MID1: variants seen among roughly 807,000 people sequenced by gnomAD.
MID1 encodes the protein E3 ubiquitin-protein ligase Midline-1.
MID1 carries 7 observed loss-of-function variants against 40.4 expected under a neutral mutation model. The observed-to-expected ratio is 0.17, with a 90% CI of 0.10 to 0.33. The LOEUF is 0.33. Ranked by LOEUF, MID1 falls within the 10% of genes least tolerant of loss-of-function variation. The probability of loss-of-function intolerance (pLI) is 1.00; values close to 1 mark genes in which losing one functional copy is unlikely to be tolerated. For synonymous variants in MID1, 229 were observed against 221.2 expected, an observed-to-expected ratio of 1.04 and a Z score of -0.31; for missense variants, 367 against 558.5, an observed-to-expected ratio of 0.66 and a Z score of 3.46.
intron 7 of MID1, among the ~76,000 whole-genome samples, chrX:10,467,518 G>A (rs1389715776): frequency 8.9e-6 from 1 of 111,918 alleles, no homozygotes; most frequent in Non-Finnish European, 1.9e-5. Context: ...CTCTGATGCT[G>A]GTGCCATTTG....
chrX:10,786,312 G>T (rs1423369831), intron 1 of MID1, among the ~76,000 whole-genome samples: 11 of 110,263 alleles, frequency 1.0e-4, no homozygotes, highest in Admixed American at 5.8e-4. Flanking sequence ...AAAAAGTCAG[G>T]AAACAACAGG....
At chrX:10,627,381 T>C (rs1160548844) in intron 1 of MID1, among the ~76,000 whole-genome samples, 1 of 112,075 alleles carries the variant, frequency 8.9e-6, no homozygotes, top group Non-Finnish European at 1.9e-5. Context: ...CTTATGATAG[T>C]TTTTCCACAT....
intron 4 of MID1, among the ~76,000 whole-genome samples, chrX:10,483,413 A>G (rs1485787160): frequency 4.5e-5 from 5 of 112,105 alleles, no homozygotes; most frequent in Non-Finnish European, 9.4e-5. Context: ...TCCCTCAAAC[A>G]TAATTGACCA....
chrX:10,677,801 CT>C (rs1245056083), intron 1 of MID1: 1 of 110,951 alleles, frequency 9.0e-6, no homozygotes, highest in Non-Finnish European at 1.9e-5. Context: ...CATCACAGTT[CT>C]GGCCGCACCC....
At chrX:10,734,616 G>T (rs1018913960) in intron 1 of MID1, among the ~76,000 whole-genome samples, 1 of 109,842 alleles carries the variant, frequency 9.1e-6, no homozygotes, top group South Asian at 3.9e-4. Context: ...ATACTATTGC[G>T]CCATAAAAAG....
intron 1 of MID1, among the ~76,000 whole-genome samples, chrX:10,733,125 G>A (rs983649418): frequency 9.0e-6 from 1 of 111,053 alleles, no homozygotes; most frequent in Non-Finnish European, 1.9e-5. Context: ...GCCTCCCAAA[G>A]TGCTGGGATT....
chrX:10,740,231 T>C (rs781680161), intron 1 of MID1, among the ~76,000 whole-genome samples: 6 of 113,198 alleles, frequency 5.3e-5, no homozygotes, highest in Non-Finnish European at 1.1e-4. Context: ...TTTACATTTA[T>C]GTGGTATTTC....
intron 1 of MID1, among the ~76,000 whole-genome samples, chrX:10,799,591 T>C (rs1011235477): frequency 8.9e-6 from 1 of 112,099 alleles, no homozygotes; most frequent in African/African-American, 3.2e-5. Flanking sequence ...GGTTCTGGTG[T>C]GATATTACAA....
At position 10,482,544 on chromosome X, in the gene MID1, C is replaced by T; in HGVS notation, c.949G>A (p.Glu317Lys). 1 of 1,210,570 alleles carries T rather than the reference C, an allele frequency of 8.3e-7. No individual in the cohort carries two copies. The highest frequency in any genetic ancestry group is 1.1e-6 in the Non-Finnish European group (1 of 894,984). The change falls in exon 5 of 10, where the codon GAA (glutamate) becomes AAA (lysine). Residue 317 changes from glutamate (E) to lysine (K), a missense_variant. Around this residue, in one of 3 missense-constraint regions of MID1, gnomAD observed 275 missense variants for 383.1 expected, o/e 0.72. Coordinates refer to ENST00000317552, the MANE Select transcript of MID1 (RefSeq NM_000381.4). ...TGATCATTCTCCTTCAGAGAGTGTT[C>T]CGCTTGGGAGATGAGTGATGCTGAC... The part of the protein sequence containing the change: ...ERSASLISQA[E>K]HSLKENDHAR...
chrX:10,832,162 T>C (rs2147166354), intron 1 of MID1, among the ~76,000 whole-genome samples: 1 of 112,767 alleles, frequency 8.9e-6, no homozygotes, highest in Non-Finnish European at 1.9e-5. Flanking sequence ...TATTGTATTA[T>C]ACACGGTGCT....
intron 1 of MID1, among the ~76,000 whole-genome samples, chrX:10,636,222 A>T (rs941289989): frequency 4.5e-5 from 5 of 112,095 alleles, no homozygotes; most frequent in Non-Finnish European, 9.4e-5. Flanking sequence ...AGCAACACAG[A>T]GGGGAAAAAT....
chrX:10,725,273 G>A (rs892637571), intron 1 of MID1, among the ~76,000 whole-genome samples: 2 of 111,574 alleles, frequency 1.8e-5, no homozygotes, highest in Admixed American at 1.9e-4. Context: ...TCTTTGTACC[G>A]CTAGGTGAAG....
chrX:10,547,231 C>T (rs1329514037), intron 2 of MID1, among the ~76,000 whole-genome samples: 1 of 110,694 alleles, frequency 9.0e-6, no homozygotes, highest in East Asian at 2.9e-4. Context: ...GCCATGATTG[C>T]ACTACTGCAC....
chrX:10,642,272 C>T (rs1392566683), intron 1 of MID1, among the ~76,000 whole-genome samples: 34 of 111,482 alleles, frequency 3.0e-4, no homozygotes, highest in African/African-American at 9.2e-4. Flanking sequence ...AAAATCCCAT[C>T]GTCTCAGCCC....
intron 1 of MID1, among the ~76,000 whole-genome samples, chrX:10,627,685 A>G (rs1328475610): frequency 3.6e-5 from 4 of 111,797 alleles, no homozygotes; most frequent in Non-Finnish European, 7.5e-5. Context: ...CAAACCTTTA[A>G]TATTTTAATG....
intron 1 of MID1, among the ~76,000 whole-genome samples, chrX:10,579,431 C>T (rs778252305): frequency 1.3e-4 from 15 of 111,936 alleles, no homozygotes; most frequent in African/African-American, 2.0e-4. Flanking sequence ...ATGGCCAATG[C>T]AACATTTCAC....
chrX:10,816,681 T>C (rs2044137866), intron 1 of MID1, among the ~76,000 whole-genome samples: 1 of 112,324 alleles, frequency 8.9e-6, no homozygotes, highest in Non-Finnish European at 1.9e-5. Flanking sequence ...GCACCTTTAG[T>C]GTTACTGCAT....
intron 1 of MID1, among the ~76,000 whole-genome samples, chrX:10,688,328 T>C (rs1169943201): frequency 8.9e-6 from 1 of 112,089 alleles, no homozygotes; most frequent in East Asian, 2.8e-4. Context: ...AGCATTTTGG[T>C]ACTTTTCTTA....
At chrX:10,634,814 GGT>G (rs1936091574) in intron 1 of MID1, among the ~76,000 whole-genome samples, 1 of 112,266 alleles carries the variant, frequency 8.9e-6, no homozygotes, top group Non-Finnish European at 1.9e-5. Context: ...GTCTGTTCTT[GGT>G]GTGTTTAATA....
Sources: gnomAD v4.1 joint callset for allele counts (sites outside exome capture counted in the v4.1 genomes callset) on GRCh38, gnomAD v4.1.1 for gene constraint, gnomAD v4.1.1 regional missense constraint, MANE v1.5 for transcripts, NCBI Gene and HGNC (gene_info 2026-07-23, HGNC 2026-07-21) for gene names.